PHLPP2: variants seen among roughly 807,000 people sequenced by gnomAD.
The protein encoded by PHLPP2 is PH domain and leucine rich repeat protein phosphatase 2.
In PHLPP2, 66 loss-of-function variants were observed where a neutral mutation model predicts 124.9. The observed-to-expected ratio is 0.53, with a 90% CI of 0.43 to 0.65. The LOEUF is 0.65. Among genes scored for constraint, PHLPP2 ranks in the 30% least tolerant of loss-of-function variants. The pLI, the probability that PHLPP2 is intolerant of heterozygous loss-of-function variation, is 0.00. For synonymous variants in PHLPP2, 681 were observed against 624.7 expected, an observed-to-expected ratio of 1.09 and a Z score of -1.34; for missense variants, 1,685 against 1,600.4, an observed-to-expected ratio of 1.05 and a Z score of -0.90.
rs1567632397 is a variant in PHLPP2, at chr16:71,719,988, T to TG, written c.-7+4340dup. ...AATTTTTTTTTTTTTTTTTTTTTTT[T>TG]GAGACGGAGTGTCGCTGTTGTCCAG... On this transcript the variant is annotated intron_variant, in intron 1 of 18. Transcript: ENST00000568954. Among the ~76,000 whole-genome samples the TG allele has an allele frequency of 1.0e-3, 145 of 139,140 alleles. 1 individual carries two copies. Among genetic ancestry groups the TG allele is most frequent in the Non-Finnish European group, 1.9e-3 (118 of 63,148 alleles). 91.3% of individuals were successfully genotyped at this position (139,140 alleles called of 152,430 possible).
intron 2 of PHLPP2, among the ~76,000 whole-genome samples, chr16:71,707,872 G>A (rs2045289335): frequency 6.6e-6 from 1 of 152,142 alleles, no homozygotes; most frequent in Non-Finnish European, 1.5e-5. Context: ...GTCTTGCTGG[G>A]GCCTTGCCCT....
chr16:71,662,537 C>A (rs1191032508), intron 13 of PHLPP2, among the ~76,000 whole-genome samples: 2 of 152,050 alleles, frequency 1.3e-5, no homozygotes, highest in East Asian at 3.9e-4. Flanking sequence ...CAAGTTTCTC[C>A]TGTATGTCTT....
Position 71,684,463 on chromosome 16 carries a change from C to T in PHLPP2, c.735+13G>A, listed in dbSNP as rs7195059. On this transcript the variant is annotated intron_variant, in intron 5 of 18. Transcript: ENST00000568954. Reference sequence around the variant, plus strand: ...TTCTTATCTCCACATCAGAACATCCCATTACTTTTCACCTTGGATGCTTGC... The same window carrying T: ...TTCTTATCTCCACATCAGAACATCCTATTACTTTTCACCTTGGATGCTTGC... 0.85 allele frequency: 1,372,337 copies of T among 1,613,018 alleles called. 585,745 individuals are homozygous for T. Among genetic ancestry groups the T allele is most frequent in the East Asian group, 0.99 (44,387 of 44,850 alleles).
In PHLPP2 at chr16:71,676,512, C is replaced by T. The variant is rs556158768; in HGVS notation, c.1406G>A (p.Arg469Gln). ...GAGTGTTAGCTCCCTCAGCTGATTCCGCCCACAGTGCAGCTGTTCCAAGCT... is the reference window on the plus strand; with the variant it reads ...GAGTGTTAGCTCCCTCAGCTGATTCTGCCCACAGTGCAGCTGTTCCAAGCT... ...LCSLEQLHCG[R>Q]NQLRELTLSG... The change falls in exon 9 of 19, where the codon CGG becomes CAG. Residue 469 changes from arginine (R) to glutamine (Q), a missense_variant. Physicochemically the swap from Arg to Gln is conservative, Grantham distance 43. Transcript: ENST00000568954. The T allele has an allele frequency of 1.5e-5, 25 of 1,614,148 alleles. No individual in the cohort carries two copies. In the Middle Eastern group the frequency reaches 6.6e-4, roughly 43 times the overall value.
At chr16:71,706,077 CA>C (rs745761459) in intron 2 of PHLPP2, among the ~76,000 whole-genome samples, 17 of 152,272 alleles carry the variant, frequency 1.1e-4, no homozygotes, top group Admixed American at 9.2e-4. Context: ...TAATATACTG[CA>C]AAACAGGTGT....
intron 4 of PHLPP2, among the ~76,000 whole-genome samples, chr16:71,686,585 C>G (rs970291289): frequency 6.6e-6 from 1 of 152,082 alleles, no homozygotes; most frequent in Non-Finnish European, 1.5e-5. Flanking sequence ...TGCTCCTTTA[C>G]AGTCAGCCCC....
rs749896643 is a variant in PHLPP2, at chr16:71,655,391, C to T, written c.2434G>A (p.Val812Met). 1.2e-6 allele frequency: 2 copies of T among 1,614,094 alleles called. No individual in the cohort carries two copies. Among genetic ancestry groups the T allele is most frequent in the Non-Finnish European group, 1.7e-6 (2 of 1,179,948 alleles). ...ALAMDSFAEG[V>M]GAVYGMFDGD... Reference sequence around the variant, plus strand: ...TCAAACATGCCATACACAGCTCCCACCCCCTCTGCAAAGCTATCCATAGCA... The same window carrying T: ...TCAAACATGCCATACACAGCTCCCATCCCCTCTGCAAAGCTATCCATAGCA... The change falls in exon 17 of 19, where the codon GTG (valine) becomes ATG (methionine). Residue 812 changes from valine to methionine, a missense_variant. Physicochemically the swap from Val to Met is conservative, Grantham distance 21. Coordinates refer to ENST00000568954, the MANE Select transcript of PHLPP2 (RefSeq NM_015020.3).
Position 71,715,119 on chromosome 16 carries a change from A to C in PHLPP2, c.-6-318T>G, listed in dbSNP as rs755606044. 1.3e-4 allele frequency: 40 copies of C among 308,026 alleles called. 1 individual carries two copies. Among genetic ancestry groups the C allele is most frequent in the Non-Finnish European group, 2.2e-4 (37 of 166,108 alleles). The allele number at this position is 308,026 out of a possible 1,614,324, so 19.1% of individuals were successfully genotyped here. On this transcript the variant is annotated intron_variant, in intron 1 of 18. Transcript: ENST00000568954. ...GTAATCCCAGCACTTTGGGGGGCCA[A>C]GGTAAGAGGACTGCTTGAGGCCAGG...
chr16:71,688,213 T>C (rs1391765082), intron 4 of PHLPP2, among the ~76,000 whole-genome samples: 1 of 152,194 alleles, frequency 6.6e-6, no homozygotes, highest in Non-Finnish European at 1.5e-5. Context: ...GAAACTTCTG[T>C]GTATATCTCA....
At chr16:71,660,183 A>C (rs995398537) in intron 13 of PHLPP2, among the ~76,000 whole-genome samples, 8 of 151,846 alleles carry the variant, frequency 5.3e-5, no homozygotes, top group Non-Finnish European at 1.2e-4. Flanking sequence ...GTCTTTCTTA[A>C]GGCATGAAAC....
intron 2 of PHLPP2, among the ~76,000 whole-genome samples, chr16:71,708,000 G>GT (rs1181456180): frequency 2.0e-5 from 3 of 152,274 alleles, no homozygotes; most frequent in Middle Eastern, 6.8e-3. Flanking sequence ...GCTCACCCCT[G>GT]TAATACGAGC....
At chr16:71,673,724 T>A (rs1182034029) in intron 9 of PHLPP2, among the ~76,000 whole-genome samples, 1 of 152,196 alleles carries the variant, frequency 6.6e-6, no homozygotes, top group African/African-American at 2.4e-5. Flanking sequence ...TGTGTGCCTG[T>A]TGATGAGGTC....
At chr16:71,693,805 A>C (rs1336176998) in intron 3 of PHLPP2, among the ~76,000 whole-genome samples, 3 of 152,248 alleles carry the variant, frequency 2.0e-5, no homozygotes, top group Non-Finnish European at 4.4e-5. Context: ...TTCTTCACAA[A>C]GACTTCCCCC....
intron 3 of PHLPP2, chr16:71,698,805 G>C (rs1300873839): frequency 4.3e-6 from 1 of 230,224 alleles, no homozygotes; most frequent in Non-Finnish European, 8.8e-6. Context: ...AATTCGAACT[G>C]AGAGAGCCAT....
intron 18 of PHLPP2, among the ~76,000 whole-genome samples, chr16:71,651,627 A>C (rs2044697104): frequency 6.6e-6 from 1 of 152,224 alleles, no homozygotes; most frequent in African/African-American, 2.4e-5. Context: ...CTAATGCCTC[A>C]TACTTCCAGA....
At chr16:71,711,816 C>T (rs1016207175) in intron 2 of PHLPP2, among the ~76,000 whole-genome samples, 6 of 152,310 alleles carry the variant, frequency 3.9e-5, no homozygotes, top group Middle Eastern at 3.4e-3. Context: ...GCAGAAAATA[C>T]TCCCTTGATT....
chr16:71,700,366 T>C (rs1421769095), intron 3 of PHLPP2, among the ~76,000 whole-genome samples: 8 of 151,558 alleles, frequency 5.3e-5, no homozygotes, highest in African/African-American at 7.3e-5. Context: ...GATGGCAGCA[T>C]TGCACTACAG....
chr16:71,709,440 TAAAAATTAAA>T (rs966666103), intron 2 of PHLPP2, among the ~76,000 whole-genome samples: 45 of 151,472 alleles, frequency 3.0e-4, no homozygotes, highest in African/African-American at 1.0e-3. Context: ...AATGAAAAAA[TAAAAATTAAA>T]AAAAAAGAAA....
At chr16:71,663,857 ATGT>A in intron 13 of PHLPP2, 39 bp downstream of exon 13, 3 of 1,400,292 alleles carry the variant, frequency 2.1e-6, no homozygotes, top group Non-Finnish European at 2.0e-6. Context: ...TATAGAATTA[ATGT>A]TGTGTATTTG....
Sources: allele counts gnomAD v4.1 joint callset (sites outside exome capture counted in the v4.1 genomes callset), GRCh38; gene constraint gnomAD v4.1.1; transcripts MANE v1.5; gene names NCBI Gene and HGNC (gene_info 2026-07-23, HGNC 2026-07-21).